SGSM1: variants seen among roughly 807,000 people sequenced by gnomAD.
SGSM1 encodes RUN and TBC1 domain containing 2.
In SGSM1, 73 loss-of-function variants were observed where a neutral mutation model predicts 133.8. That is an observed-to-expected ratio of 0.55 (90% confidence interval 0.45 to 0.66). The LOEUF is 0.66. Among genes scored for constraint, SGSM1 ranks in the 30% least tolerant of loss-of-function variants. The pLI, the probability that SGSM1 is intolerant of heterozygous loss-of-function variation, is 0.00. For missense variants in SGSM1, 1,213 were observed against 1,448.1 expected (o/e 0.84, Z 2.64); for synonymous variants, 563 against 573.0 (o/e 0.98, Z 0.25).
chr22:24,877,798 CTTTCT>C (rs1431166447), intron 13 of SGSM1, among the ~76,000 whole-genome samples: 2 of 85,746 alleles, frequency 2.3e-5, no homozygotes, highest in African/African-American at 7.5e-5. Flanking sequence ...GAGATTCTTT[CTTTCT>C]TTTTTTTTTT....
In SGSM1 at chr22:24,825,865, AC is replaced by A. The variant is rs200881639; in HGVS notation, c.64-19028del. On this transcript the variant is annotated intron_variant, in intron 2 of 24. Coordinates refer to ENST00000400358, the MANE Select transcript of SGSM1 (RefSeq NM_001098497.3). ...ACTGGGTGCTAGCTCAGTGGTCCTCACCCCACCTGCATGGTACTTACTCCAT... is the reference window on the plus strand; with the variant it reads ...ACTGGGTGCTAGCTCAGTGGTCCTCACCCACCTGCATGGTACTTACTCCAT... 6.6e-3 allele frequency among the ~76,000 whole-genome samples: 1,007 copies of A among 152,156 alleles called. 10 individuals carry two copies. Among genetic ancestry groups the A allele is most frequent in the African/African-American group, 0.023 (938 of 41,506 alleles).
At chr22:24,912,859 G>T (rs1933685072) in intron 22 of SGSM1, 107 bp downstream of exon 22, 2 of 695,872 alleles carry the variant, frequency 2.9e-6, no homozygotes, top group Non-Finnish European at 4.9e-6. Flanking sequence ...TGGAATCCAG[G>T]TTTGTATTTC....
At chr22:24,891,192 T>G (rs543741019) in intron 16 of SGSM1, among the ~76,000 whole-genome samples, 3 of 152,234 alleles carry the variant, frequency 2.0e-5, no homozygotes, top group Admixed American at 6.5e-5. Flanking sequence ...GACCCCCATC[T>G]CTACAAAAAA....
intron 2 of SGSM1, among the ~76,000 whole-genome samples, chr22:24,817,949 C>A (rs747876598): frequency 3.4e-4 from 52 of 151,968 alleles, no homozygotes; most frequent in Non-Finnish European, 7.1e-4. Flanking sequence ...GCACAAATCC[C>A]GACGGGGTGC....
chr22:24,835,999 A>G (rs1478012595), intron 2 of SGSM1, among the ~76,000 whole-genome samples: 2 of 152,272 alleles, frequency 1.3e-5, no homozygotes, highest in East Asian at 3.9e-4. Context: ...CTTCTTAACC[A>G]TTTTTAAGTG....
At chr22:24,880,042 G>A (rs1713626701) in intron 14 of SGSM1, among the ~76,000 whole-genome samples, 1 of 152,168 alleles carries the variant, frequency 6.6e-6, no homozygotes, top group Non-Finnish European at 1.5e-5. Flanking sequence ...AGAGAGGCAA[G>A]ATGACTTGCC....
At chr22:24,914,964 C>T (rs1933770280) in intron 22 of SGSM1, among the ~76,000 whole-genome samples, 1 of 152,162 alleles carries the variant, frequency 6.6e-6, no homozygotes, top group South Asian at 2.1e-4. Flanking sequence ...CACGGTTTCT[C>T]ACGCTTGTAA....
At chr22:24,811,015 C>T (rs990636306) in intron 2 of SGSM1, among the ~76,000 whole-genome samples, 2 of 152,174 alleles carry the variant, frequency 1.3e-5, no homozygotes, top group African/African-American at 4.8e-5. Flanking sequence ...ACATCCAGGT[C>T]GCCCAGTTAA....
At position 24,893,529 on chromosome 22, in the gene SGSM1, C is replaced by T. The variant is rs564623600; in HGVS notation, c.1869C>T (p.Ala623=). ...AGAGGGAGCGGGAGTCCCATGCGGC[C>T]GCCCTGGCCAAATGCTCATCCGGGG... ...VRQRERESHA[A]ALAKCSSGAS... is the part of the protein sequence containing the mutation. The change falls in exon 17 of 25, where the codon GCC becomes GCT. Residue 623 remains alanine (A), a synonymous_variant. Coordinates refer to ENST00000400358, the MANE Select transcript of SGSM1 (RefSeq NM_001098497.3). 1.4e-5 allele frequency: 23 copies of T among 1,610,788 alleles called. No homozygotes were observed. Among genetic ancestry groups the T allele is most frequent in the African/African-American group, 8.0e-5 (6 of 74,818 alleles).
chr22:24,872,463 G>A (rs1290664828), intron 12 of SGSM1, among the ~76,000 whole-genome samples: 1 of 151,852 alleles, frequency 6.6e-6, no homozygotes, highest in Non-Finnish European at 1.5e-5. Flanking sequence ...GGAAGTGTAA[G>A]ACACACACTG....
At position 24,919,932 on chromosome 22, in the gene SGSM1, C is replaced by G. The variant is rs745667083; in HGVS notation, c.3132C>G (p.Val1044=). 1.9e-6 allele frequency: 3 copies of G among 1,613,878 alleles called. No individual in the cohort carries two copies. Among genetic ancestry groups the G allele is most frequent in the African/African-American group, 2.7e-5 (2 of 75,076 alleles). ...VLFIALALVE[V]YRDIILENNM... ...TCATTGCGCTGGCTCTGGTGGAAGT[C>G]TACCGTGACATCATTTTGGAGAACA... Residue 1044 remains valine, a synonymous_variant, in exon 24 of 25, where the codon GTC becomes GTG. Coordinates refer to ENST00000400358, the MANE Select transcript of SGSM1 (RefSeq NM_001098497.3).
chr22:24,924,454 G>T lies in SGSM1; in HGVS notation c.*180G>T. On this transcript the variant is annotated 3_prime_UTR_variant, in exon 25 of 25. Transcript: ENST00000400358. The stretch of plus-strand genomic sequence containing the variant: ...CTTCTGGGCAGATGGGGTGGAGGGA[G>T]TACCCCTTCAATTCAGCCTTACATT... 1.7e-6 allele frequency: 1 copy of T among 592,306 alleles called. No homozygotes were observed. The highest frequency in any genetic ancestry group is 3.0e-6 in the Non-Finnish European group (1 of 331,942). 36.7% of individuals were successfully genotyped at this position (592,306 alleles called of 1,614,324 possible).
intron 8 of SGSM1, among the ~76,000 whole-genome samples, chr22:24,858,878 A>C (rs1425410895): frequency 1.3e-5 from 2 of 152,264 alleles, no homozygotes; most frequent in Non-Finnish European, 2.9e-5. Flanking sequence ...ACTTAATTGA[A>C]GTGATGACGC....
intron 22 of SGSM1, among the ~76,000 whole-genome samples, chr22:24,913,143 A>T (rs1245455370): frequency 6.6e-6 from 1 of 151,960 alleles, no homozygotes; most frequent in South Asian, 2.1e-4. Flanking sequence ...TACAAAAAAA[A>T]TTAGCAGGGC....
chr22:24,894,034 A>G (rs1211429851), intron 17 of SGSM1, among the ~76,000 whole-genome samples: 2 of 152,224 alleles, frequency 1.3e-5, no homozygotes, highest in South Asian at 2.1e-4. Context: ...TGTTCCAGTG[A>G]CCCAGACAGA....
rs997282301 is a variant in SGSM1, at chr22:24,924,635, C to T, written c.*361C>T. 3.4e-5 allele frequency: 9 copies of T among 266,740 alleles called. No homozygotes were observed. Among genetic ancestry groups the T allele is most frequent in the Non-Finnish European group, 6.5e-5 (9 of 138,498 alleles). The allele number at this position is 266,740 out of a possible 1,614,324, so 16.5% of individuals were successfully genotyped here. A position where few individuals can be genotyped will look rare whatever the true frequency, so the allele number is the denominator to read the frequency against. ...TCCAAACTGTCTTGTAAGATGAGAC[C>T]TGGGGAGGAAACTTCTTTTTGGAAA... On this transcript the variant is annotated 3_prime_UTR_variant, in exon 25 of 25. Transcript: ENST00000400358.
At chr22:24,921,898 T>C (rs1934022397) in intron 24 of SGSM1, among the ~76,000 whole-genome samples, 1 of 151,970 alleles carries the variant, frequency 6.6e-6, no homozygotes, top group African/African-American at 2.4e-5. Context: ...ACAGGGTTTC[T>C]CCATGTTGGT....
rs778556750 is a variant in SGSM1, at chr22:24,868,399, T to C, written c.1018T>C (p.Leu340=). ...AGTTGACAGCGGCGGGACAGTGGTA[T>C]TGGTCAGCCAGGACGGGATCCAGAG... ...QQVDSGGTVV[L]VSQDGIQRPP... The change falls in exon 11 of 25, where the codon TTG becomes CTG. Residue 340 remains leucine (L), a synonymous_variant. Transcript: ENST00000400358. The C allele has an allele frequency of 6.2e-7, 1 of 1,612,772 alleles. No individual in the cohort carries two copies. Among genetic ancestry groups the C allele is most frequent in the Admixed American group, 1.7e-5 (1 of 59,898 alleles).
In SGSM1 at chr22:24,817,627, AG is replaced by A. The variant is rs371176984; in HGVS notation, c.63+11145del. 5.9e-4 allele frequency among the ~76,000 whole-genome samples: 90 copies of A among 152,276 alleles called. No individual in the cohort carries two copies. In the East Asian group the frequency reaches 9.5e-3, roughly 16 times the overall value. ...CAGCCTCCCCAAGTGCTGGGATTACAGGCGTGAGCCACCGCTCCCGGCCATG... is the reference window on the plus strand; with the variant it reads ...CAGCCTCCCCAAGTGCTGGGATTACAGCGTGAGCCACCGCTCCCGGCCATG... On this transcript the variant is annotated intron_variant, in intron 2 of 24. Coordinates refer to ENST00000400358, the MANE Select transcript of SGSM1 (RefSeq NM_001098497.3).
Sources: allele counts gnomAD v4.1 joint callset (sites outside exome capture counted in the v4.1 genomes callset), GRCh38; gene constraint gnomAD v4.1.1; transcripts MANE v1.5; gene names NCBI Gene and HGNC (gene_info 2026-07-23, HGNC 2026-07-21).